The following SCN8A variants were observed in gnomAD, a reference collection of about 807,000 sequenced individuals.
SCN8A encodes sodium voltage-gated channel alpha subunit 8.
Under a neutral mutation model 184.1 loss-of-function variants are expected in SCN8A, and 30 were observed. The ratio of observed to expected loss-of-function variants is 0.16; its 90% CI spans 0.12 to 0.22. The LOEUF (loss-of-function observed/expected upper bound fraction) is 0.22, where lower values mean the gene tolerates loss of function less well. Among genes scored for constraint, SCN8A ranks in the 10% least tolerant of loss-of-function variants. The pLI, the probability that SCN8A is intolerant of heterozygous loss-of-function variation, is 1.00. For missense variants in SCN8A, 1,057 were observed against 2,498.9 expected (o/e 0.42, Z 12.30); for synonymous variants, 852 against 907.0 (o/e 0.94, Z 1.09).
At chr12:51,760,637 G>A (rs1171458078) in intron 14 of SCN8A, among the ~76,000 whole-genome samples, 1 of 152,202 alleles carries the variant, frequency 6.6e-6, no homozygotes, top group Non-Finnish European at 1.5e-5. Flanking sequence ...TTACACTAAG[G>A]GTGAAATGTA....
At chr12:51,706,876 T>C (rs979594561) in intron 11 of SCN8A, among the ~76,000 whole-genome samples, 161 bp downstream of exon 11, 1 of 152,180 alleles carries the variant, frequency 6.6e-6, no homozygotes, top group Non-Finnish European at 1.5e-5. Flanking sequence ...CTATCCCCTC[T>C]TCTTCCTGGC....
At chr12:51,591,893 C>T (rs1939228801) in intron 1 of SCN8A, among the ~76,000 whole-genome samples, 2 of 152,124 alleles carry the variant, frequency 1.3e-5, no homozygotes, top group African/African-American at 4.8e-5. Flanking sequence ...GCAGCCAGCA[C>T]TCCCGACTCC....
chr12:51,708,436 A>G (rs1941819508), intron 11 of SCN8A, among the ~76,000 whole-genome samples: 1 of 152,260 alleles, frequency 6.6e-6, no homozygotes, highest in South Asian at 2.1e-4. Context: ...TTCAGAGAAC[A>G]CCACCAAAAT....
At chr12:51,765,562 C>T (rs979622506) in intron 15 of SCN8A, 109 bp from the exon 16 acceptor site, 4 of 696,812 alleles carry the variant, frequency 5.7e-6, no homozygotes, top group African/African-American at 5.4e-5. Flanking sequence ...CAAGGGTGCT[C>T]AATATATTTA....
At chr12:51,732,759 T>G (rs908855733) in intron 12 of SCN8A, among the ~76,000 whole-genome samples, 17 of 152,194 alleles carry the variant, frequency 1.1e-4, no homozygotes, top group African/African-American at 3.9e-4. Flanking sequence ...TTTTATAGTT[T>G]TCTTGTAGAG....
intron 1 of SCN8A, among the ~76,000 whole-genome samples, chr12:51,597,002 T>C (rs1411404127): frequency 6.6e-6 from 1 of 151,958 alleles, no homozygotes; most frequent in East Asian, 1.9e-4. Context: ...GGGCAGCAAG[T>C]TGGGGCCAAA....
At chr12:51,785,886 A>T (rs1938071316) in intron 21 of SCN8A, among the ~76,000 whole-genome samples, 1 of 152,352 alleles carries the variant, frequency 6.6e-6, no homozygotes, top group South Asian at 2.1e-4. Flanking sequence ...AAGCCTACAA[A>T]GTCAGAATAA....
chr12:51,632,368 A>G (rs1940214794), intron 1 of SCN8A, among the ~76,000 whole-genome samples: 1 of 152,192 alleles, frequency 6.6e-6, no homozygotes, highest in Admixed American at 6.5e-5. Flanking sequence ...GGTTACTGAA[A>G]TCAGCTTGAC....
chr12:51,665,283 C>T (rs191161730), intron 2 of SCN8A, among the ~76,000 whole-genome samples: 129 of 152,328 alleles, frequency 8.5e-4, no homozygotes, highest in African/African-American at 3.0e-3. Context: ...GGGTGTCATT[C>T]ATTGGATAGG....
At chr12:51,789,983 T>G (rs999431012) in intron 24 of SCN8A, among the ~76,000 whole-genome samples, 8 of 152,220 alleles carry the variant, frequency 5.3e-5, no homozygotes, top group Non-Finnish European at 1.0e-4. Flanking sequence ...TTCCAAATTT[T>G]GGGTATCATC....
chr12:51,769,105 C>T lies in SCN8A; in HGVS notation c.3142C>T (p.His1048Tyr). The T allele has an allele frequency of 6.2e-7, 1 of 1,613,546 alleles. No homozygotes were observed. The highest frequency in any genetic ancestry group is 1.3e-5 in the African/African-American group (1 of 75,064). The change falls in exon 17 of 27, where the codon CAC (histidine) becomes TAC (tyrosine). Residue 1048 changes from histidine (H) to tyrosine (Y), a missense_variant. Physicochemically the swap from His to Tyr is moderately conservative, Grantham distance 83. Transcript: ENST00000627620. ...AAAGAAGGCCAACTGTATCGCCAAT[C>T]ACACCGGTGCAGACATCCACCGGAA... ...YEKKANCIAN[H>Y]TGADIHRNGD...
chr12:51,711,045 A>G (rs886339378), intron 11 of SCN8A, among the ~76,000 whole-genome samples: 2 of 152,212 alleles, frequency 1.3e-5, no homozygotes, highest in Non-Finnish European at 2.9e-5. Flanking sequence ...AGACTTCTTT[A>G]TAGCCTGAAG....
At chr12:51,652,291 A>C (rs567855169) in intron 1 of SCN8A, among the ~76,000 whole-genome samples, 1 of 152,236 alleles carries the variant, frequency 6.6e-6, no homozygotes, top group Admixed American at 6.5e-5. Flanking sequence ...TGTCCAGTAC[A>C]TCATCCCTGC....
At chr12:51,645,963 A>AAATAAT (rs1555212655) in intron 1 of SCN8A, among the ~76,000 whole-genome samples, 1 of 134,068 alleles carries the variant, frequency 7.5e-6, no homozygotes, top group Non-Finnish European at 1.6e-5. Context: ...AAAAAAAAAA[A>AAATAAT]AATAATAATA....
At chr12:51,695,016 A>G (rs1941570391) in intron 6 of SCN8A, among the ~76,000 whole-genome samples, 1 of 152,214 alleles carries the variant, frequency 6.6e-6, no homozygotes, top group South Asian at 2.1e-4. Flanking sequence ...GTGACTGTTT[A>G]TTATTTAATA....
At chr12:51,662,665 G>A in intron 1 of SCN8A, 99 bp from the exon 2 acceptor site, 1 of 720,758 alleles carries the variant, frequency 1.4e-6, no homozygotes, top group Non-Finnish European at 2.3e-6. Context: ...TGTTTTTTTT[G>A]CAAAGGTTGT....
chr12:51,604,800 T>C (rs1939549390), intron 1 of SCN8A, among the ~76,000 whole-genome samples: 2 of 152,176 alleles, frequency 1.3e-5, no homozygotes, highest in South Asian at 4.1e-4. Flanking sequence ...CCCAAAGTGC[T>C]GGGATTACAG....
chr12:51,744,693 C>T (rs915484472), intron 12 of SCN8A, among the ~76,000 whole-genome samples: 3 of 151,536 alleles, frequency 2.0e-5, no homozygotes, highest in Admixed American at 6.6e-5. Flanking sequence ...AATCCTGCCG[C>T]CTCCACCACC....
chr12:51,779,977 C>T (rs1177398155), intron 20 of SCN8A, among the ~76,000 whole-genome samples: 2 of 89,082 alleles, frequency 2.2e-5, no homozygotes, highest in African/African-American at 8.3e-5. Flanking sequence ...CTCACTTAAG[C>T]GAGTTCTCAT....
Sources: allele counts gnomAD v4.1 joint callset (sites outside exome capture counted in the v4.1 genomes callset), GRCh38; gene constraint gnomAD v4.1.1; transcripts MANE v1.5; gene names NCBI Gene and HGNC (gene_info 2026-07-23, HGNC 2026-07-21).